SYT10: variants seen among roughly 807,000 people sequenced by gnomAD.
The protein encoded by SYT10 is synaptotagmin 10, also known as synaptotagmin-10.
A neutral mutation model predicts 51.1 loss-of-function variants in SYT10; 31 were observed. That is an observed-to-expected ratio of 0.61 (90% CI 0.46 to 0.82). SYT10 has a LOEUF of 0.82. SYT10 is among the 40% of genes least tolerant of loss of function. The probability of loss-of-function intolerance (pLI) is 0.00; values close to 1 mark genes in which losing one functional copy is unlikely to be tolerated. For missense variants in SYT10, 603 were observed against 634.0 expected, an observed-to-expected ratio of 0.95 and a Z score of 0.53; for synonymous variants, 233 against 225.9, an observed-to-expected ratio of 1.03 and a Z score of -0.28.
chr12:33,432,002 C>T (rs1200342569), intron 1 of SYT10, among the ~76,000 whole-genome samples: 2 of 152,020 alleles, frequency 1.3e-5, no homozygotes, highest in African/African-American at 4.8e-5. Flanking sequence ...ACAAGGACAT[C>T]ATTAATTCTG....
intron 3 of SYT10, among the ~76,000 whole-genome samples, chr12:33,386,666 T>C (rs1010087753): frequency 3.3e-5 from 5 of 152,136 alleles, no homozygotes; most frequent in African/African-American, 1.2e-4. Context: ...CCTTCACATA[T>C]TTTTGTAGTA....
intron 3 of SYT10, among the ~76,000 whole-genome samples, chr12:33,401,181 T>C (rs1866301244): frequency 6.6e-6 from 1 of 152,224 alleles, no homozygotes; most frequent in African/African-American, 2.4e-5. Context: ...ATATTCATTC[T>C]ATCCAGTTGC....
chr12:33,420,830 T>G (rs1414887240), intron 2 of SYT10, among the ~76,000 whole-genome samples: 1 of 152,230 alleles, frequency 6.6e-6, no homozygotes, highest in East Asian at 1.9e-4. Context: ...CTAATACATT[T>G]CTTTCATGAA....
chr12:33,429,997 C>G (rs1350874399), intron 1 of SYT10, among the ~76,000 whole-genome samples: 1 of 152,108 alleles, frequency 6.6e-6, no homozygotes, highest in Non-Finnish European at 1.5e-5. Context: ...CTCTCTAGCT[C>G]TAATTTTCAC....
chr12:33,377,345 G>C (rs1366631090), intron 6 of SYT10, among the ~76,000 whole-genome samples: 5 of 151,676 alleles, frequency 3.3e-5, no homozygotes, highest in Non-Finnish European at 7.4e-5. Context: ...GCTAATTTTT[G>C]TATTTTTAGT....
At chr12:33,377,950 A>AT (rs1057111687) in intron 6 of SYT10, among the ~76,000 whole-genome samples, 56 of 152,156 alleles carry the variant, frequency 3.7e-4, no homozygotes, top group African/African-American at 1.3e-3. Flanking sequence ...TTTCTACATG[A>AT]TACTTTAGTC....
chr12:33,417,411 T>C (rs1361388681), intron 2 of SYT10, among the ~76,000 whole-genome samples: 1 of 152,202 alleles, frequency 6.6e-6, no homozygotes, highest in Non-Finnish European at 1.5e-5. Context: ...CTTGGGACTC[T>C]GCAGAGTCCT....
At position 33,426,432 on chromosome 12, in the gene SYT10, G is replaced by A. The variant is rs147936795; in HGVS notation, c.215C>T (p.Ser72Leu). 1.9e-6 allele frequency: 3 copies of A among 1,613,568 alleles called. No individual in the cohort carries two copies. In the African/African-American group the frequency reaches 4.0e-5, roughly 22 times the overall value. ...SFCGLALLVV[S>L]LFVFWKLCWP... The stretch of plus-strand genomic sequence containing the variant: ...ACACAGCTTCCAGAAGACAAAAAGT[G>A]AGACAACCAACAAGGCCAGTCCACA... Residue 72 changes from serine to leucine, a missense_variant, in exon 2 of 7, where the codon TCA becomes TTA. By Grantham distance (145) the Ser-to-Leu change is moderately radical. Coordinates refer to ENST00000228567, the MANE Select transcript of SYT10 (RefSeq NM_198992.4).
At chr12:33,434,691 G>C (rs1262969229) in intron 1 of SYT10, among the ~76,000 whole-genome samples, 2 of 152,160 alleles carry the variant, frequency 1.3e-5, no homozygotes, top group Non-Finnish European at 2.9e-5. Context: ...TGTAATCCCA[G>C]CTACTTGGGA....
At chr12:33,437,080 CATAGAT>C (rs144367723) in intron 1 of SYT10, among the ~76,000 whole-genome samples, 1,891 of 152,314 alleles carry the variant, frequency 0.012, 39 homozygotes, top group African/African-American at 0.043. Flanking sequence ...AAATCCACTT[CATAGAT>C]ATCTATTAAC....
intron 2 of SYT10, among the ~76,000 whole-genome samples, chr12:33,425,153 T>C (rs938974618): frequency 1.3e-5 from 2 of 152,110 alleles, no homozygotes; most frequent in Admixed American, 1.3e-4. Context: ...CCCTTAAAAG[T>C]ATTACCATGT....
chr12:33,437,725 G>A (rs1275664977), intron 1 of SYT10, among the ~76,000 whole-genome samples: 1 of 152,066 alleles, frequency 6.6e-6, no homozygotes, highest in African/African-American at 2.4e-5. Flanking sequence ...TAGCAAGTGG[G>A]TCACTAAAGA....
chr12:33,414,237 A>G (rs1216684745), intron 2 of SYT10, among the ~76,000 whole-genome samples: 2 of 152,200 alleles, frequency 1.3e-5, no homozygotes, highest in African/African-American at 4.8e-5. Context: ...TAATAATTGG[A>G]GACTTTCACA....
At chr12:33,436,689 T>C (rs1392880893) in intron 1 of SYT10, among the ~76,000 whole-genome samples, 1 of 152,204 alleles carries the variant, frequency 6.6e-6, no homozygotes, top group Non-Finnish European at 1.5e-5. Flanking sequence ...ATATACATGA[T>C]TTGTAGCTCC....
chr12:33,432,389 A>G (rs1866604681), intron 1 of SYT10: 1 of 152,080 alleles, frequency 6.6e-6, no homozygotes, highest in South Asian at 2.1e-4. Flanking sequence ...TGGTGACTGT[A>G]TATTACTCAT....
At chr12:33,421,515 C>G (rs1231143219) in intron 2 of SYT10, among the ~76,000 whole-genome samples, 1 of 152,132 alleles carries the variant, frequency 6.6e-6, no homozygotes, top group Non-Finnish European at 1.5e-5. Context: ...CTAATAGGAA[C>G]ACAGTGTTAT....
At chr12:33,405,694 T>A (rs1343494118) in intron 3 of SYT10, 4 of 151,966 alleles carry the variant, frequency 2.6e-5, no homozygotes, top group Non-Finnish European at 5.9e-5. Flanking sequence ...ATTTTAAACT[T>A]GTAAGTTGCG....
At position 33,390,577 on chromosome 12, in the gene SYT10, T is replaced by C. The variant is rs11052673; in HGVS notation, c.1078-5286A>G. On this transcript the variant is annotated intron_variant, in intron 3 of 6. Coordinates refer to ENST00000228567, the MANE Select transcript of SYT10 (RefSeq NM_198992.4). ...CCAAAAACTCCACCCTCTATATATA[T>C]ATAAAATAAATAATTTGCAAGGTAG... Among the ~76,000 whole-genome samples, 1,169 of 151,924 alleles carry C rather than the reference T, an allele frequency of 7.7e-3. 11 individuals are homozygous for C. Among genetic ancestry groups the C allele is most frequent in the Non-Finnish European group, 0.013 (891 of 67,948 alleles).
At chr12:33,400,023 C>T (rs1027646780) in intron 3 of SYT10, among the ~76,000 whole-genome samples, 12 of 152,196 alleles carry the variant, frequency 7.9e-5, no homozygotes, top group African/African-American at 2.9e-4. Context: ...ACAATACTGA[C>T]TGTTACACCC....
Sources: allele counts gnomAD v4.1 joint callset (sites outside exome capture counted in the v4.1 genomes callset), GRCh38; gene constraint gnomAD v4.1.1; transcripts MANE v1.5; gene names NCBI Gene and HGNC (gene_info 2026-07-23, HGNC 2026-07-21).